The following ACTR3C variants were observed in gnomAD, a reference collection of about 807,000 sequenced individuals.
ACTR3C encodes the protein actin related protein 3C.
ACTR3C carries 18 observed loss-of-function variants against 26.3 expected under a neutral mutation model. The observed-to-expected ratio is 0.68, with a 90% CI of 0.47 to 1.01. The LOEUF is 1.01. ACTR3C is among the 50% of genes least tolerant of loss of function. The pLI is 0.00. For synonymous variants in ACTR3C, 55 were observed against 94.5 expected, an observed-to-expected ratio of 0.58 and a Z score of 2.42; for missense variants, 184 against 250.7, an observed-to-expected ratio of 0.73 and a Z score of 1.80.
the ACTR3C span, among the ~76,000 whole-genome samples, chr7:150,019,590 C>CAAAAAT: frequency 2.7e-4 from 28 of 103,532 alleles, no homozygotes; most frequent in African/African-American, 3.0e-4. Flanking sequence ...GACTCTGTCT[C>CAAAAAT]AAAAATAAAA....
chr7:149,972,464 C>T, the ACTR3C span, among the ~76,000 whole-genome samples: 1 of 152,184 alleles, frequency 6.6e-6, no homozygotes, highest in African/African-American at 2.4e-5. Context: ...AGGCTGCTTC[C>T]TGTCCCTCTC....
At chr7:149,909,265 CA>C in the ACTR3C span, among the ~76,000 whole-genome samples, 908 of 135,014 alleles carry the variant, frequency 6.7e-3, 37 homozygotes, top group South Asian at 0.03. Context: ...TCATTTCCAC[CA>C]AAAAAAAAAA....
At chr7:150,176,738 T>C in the ACTR3C span, among the ~76,000 whole-genome samples, 2 of 150,774 alleles carry the variant, frequency 1.3e-5, no homozygotes, top group African/African-American at 5.0e-5. Flanking sequence ...AAGTCTTCTC[T>C]TAGGAGACTT....
At chr7:150,288,339 G>A (rs1384696634) in intron 4 of ACTR3C, among the ~76,000 whole-genome samples, 4 of 148,922 alleles carry the variant, frequency 2.7e-5, no homozygotes, top group Admixed American at 6.6e-5. Context: ...CAATCCTGGC[G>A]GAAATAGGGA....
At chr7:150,221,126 A>G in the ACTR3C span, among the ~76,000 whole-genome samples, 1 of 152,268 alleles carries the variant, frequency 6.6e-6, no homozygotes, top group Admixed American at 6.5e-5. Flanking sequence ...GCGCTCTGTC[A>G]GTTGAGCAGG....
At chr7:150,162,952 G>A in the ACTR3C span, among the ~76,000 whole-genome samples, 6 of 152,142 alleles carry the variant, frequency 3.9e-5, no homozygotes, top group Admixed American at 1.3e-4. Context: ...AGGAGTTCGA[G>A]ACCAGTCTGG....
chr7:150,233,969 T>C, the ACTR3C span, among the ~76,000 whole-genome samples: 1 of 152,196 alleles, frequency 6.6e-6, no homozygotes, highest in Non-Finnish European at 1.5e-5. Flanking sequence ...TTTGTTGTTA[T>C]TATTAATCTG....
the ACTR3C span, among the ~76,000 whole-genome samples, chr7:150,125,526 G>C: frequency 6.6e-6 from 1 of 151,940 alleles, no homozygotes; most frequent in Admixed American, 6.6e-5. Flanking sequence ...TTACACCTAG[G>C]GGTGGTTTCA....
At chr7:149,994,369 G>A in the ACTR3C span, among the ~76,000 whole-genome samples, 2 of 152,234 alleles carry the variant, frequency 1.3e-5, no homozygotes, top group East Asian at 3.9e-4. Context: ...AGGCTGAGGC[G>A]GGCGGATCAC....
At chr7:150,154,969 C>A in the ACTR3C span, among the ~76,000 whole-genome samples, 3 of 152,098 alleles carry the variant, frequency 2.0e-5, no homozygotes, top group Non-Finnish European at 4.4e-5. Flanking sequence ...CCTGTCCCTC[C>A]CCTGGCCCAA....
At chr7:150,298,974 C>CTTTTTTT (rs550994860) in intron 1 of ACTR3C, among the ~76,000 whole-genome samples, 7 of 82,512 alleles carry the variant, frequency 8.5e-5, no homozygotes, top group Non-Finnish European at 1.3e-4. Flanking sequence ...GTAATGAAAA[C>CTTTTTTT]TTTTTTTTTT....
the ACTR3C span, among the ~76,000 whole-genome samples, chr7:150,115,813 C>G: frequency 6.6e-6 from 1 of 152,236 alleles, no homozygotes. Flanking sequence ...TCAGCAAAGG[C>G]TGGCCGATAA....
chr7:150,121,043 G>A, the ACTR3C span, among the ~76,000 whole-genome samples: 1 of 152,068 alleles, frequency 6.6e-6, no homozygotes. Flanking sequence ...ACCCCCTCAT[G>A]CTAAAAACAC....
the ACTR3C span, among the ~76,000 whole-genome samples, chr7:149,910,916 G>A: frequency 5.9e-5 from 9 of 151,388 alleles, no homozygotes; most frequent in South Asian, 1.7e-3. Flanking sequence ...TGAGGTCTTC[G>A]TGCCACAGGA....
the ACTR3C span, among the ~76,000 whole-genome samples, chr7:150,097,341 GTTTCA>G: frequency 6.6e-6 from 1 of 151,624 alleles, no homozygotes; most frequent in Non-Finnish European, 1.5e-5. Context: ...GTCTACACAG[GTTTCA>G]TTTTTTTTCC....
chr7:150,241,337 TATC>T (rs1340842585), downstream of ACTR3C, among the ~76,000 whole-genome samples: 2 of 152,108 alleles, frequency 1.3e-5, no homozygotes, highest in Non-Finnish European at 2.9e-5. Context: ...CTCACACATA[TATC>T]ATCAACTCAT....
chr7:149,959,001 G>A, the ACTR3C span, among the ~76,000 whole-genome samples: 2 of 152,164 alleles, frequency 1.3e-5, no homozygotes, highest in African/African-American at 4.8e-5. Flanking sequence ...TACTTCTGGA[G>A]GAAGAAGCCA....
At chr7:150,045,081 A>G in the ACTR3C span, 9 of 152,238 alleles carry the variant, frequency 5.9e-5, no homozygotes, top group African/African-American at 2.2e-4. Context: ...ATAAAATGCA[A>G]TGTGTTCCTA....
At chr7:149,995,488 G>A in the ACTR3C span, among the ~76,000 whole-genome samples, 3 of 152,374 alleles carry the variant, frequency 2.0e-5, no homozygotes, top group East Asian at 1.9e-4. Flanking sequence ...CTGGATACTC[G>A]CACAGTAAAT....
Sources: gnomAD v4.1 joint callset for allele counts (sites outside exome capture counted in the v4.1 genomes callset) on GRCh38, gnomAD v4.1.1 for gene constraint, MANE v1.5 for transcripts, NCBI Gene and HGNC (gene_info 2026-07-23, HGNC 2026-07-21) for gene names.